The following CCDC7 variants were observed in gnomAD, a reference collection of about 807,000 sequenced individuals.
CCDC7 encodes the protein coiled-coil domain-containing protein 7.
In CCDC7, 183 loss-of-function variants were observed where a neutral mutation model predicts 196.9. The observed-to-expected ratio is 0.93, with a 90% confidence interval of 0.82 to 1.05. The LOEUF is 1.05. Among genes scored for constraint, CCDC7 ranks in the 50% least tolerant of loss-of-function variants. The probability of loss-of-function intolerance (pLI) is 0.00; values close to 1 mark genes in which losing one functional copy is unlikely to be tolerated. For missense variants in CCDC7, 1,540 were observed against 1,482.2 expected (o/e 1.04, Z -0.64); for synonymous variants, 525 against 484.6 (o/e 1.08, Z -1.10).
rs375012135 is a variant in CCDC7 at position 32,767,400 on chromosome 10, G to A, written c.2906-11577G>A. Among the ~76,000 whole-genome samples the A allele has an allele frequency of 3.3e-5, 5 of 152,224 alleles. No homozygotes were observed. The East Asian group carries it at 5.8e-4, about 18-fold the overall frequency. ...CAGGGAGCCAAGTGGTATAAAATGT[G>A]TTTTTCTAAACTATTGATTGTATTT... is the stretch of plus-strand genomic sequence containing the variant. On this transcript the variant is annotated intron_variant, in intron 28 of 41. Coordinates refer to ENST00000639629, the Ensembl canonical transcript of CCDC7.
At chr10:32,600,301 G>GTTTT (rs35364422) in intron 18 of CCDC7, among the ~76,000 whole-genome samples, 49 of 146,304 alleles carry the variant, frequency 3.3e-4, no homozygotes, top group Admixed American at 1.7e-3. Flanking sequence ...TATATTTCTA[G>GTTTT]TTTTTTTTTT....
intron 18 of CCDC7, among the ~76,000 whole-genome samples, chr10:32,600,760 A>G (rs891394955): frequency 6.6e-5 from 10 of 152,366 alleles, no homozygotes; most frequent in African/African-American, 2.4e-4. Flanking sequence ...GTGATGTTAC[A>G]AATAAATGAT....
chr10:32,737,508 G>T (rs1188500170), intron 28 of CCDC7, among the ~76,000 whole-genome samples: 1 of 152,138 alleles, frequency 6.6e-6, no homozygotes, highest in African/African-American at 2.4e-5. Context: ...TGCTGTTTTT[G>T]AATGGAATAA....
intron 28 of CCDC7, among the ~76,000 whole-genome samples, chr10:32,739,475 T>C (rs1317238871): frequency 6.6e-6 from 1 of 152,094 alleles, no homozygotes; most frequent in Non-Finnish European, 1.5e-5. Flanking sequence ...TTTCCTTTTT[T>C]TCTTAGTTTT....
At chr10:32,761,278 T>A (rs2077425585) in intron 28 of CCDC7, among the ~76,000 whole-genome samples, 1 of 151,978 alleles carries the variant, frequency 6.6e-6, no homozygotes, top group African/African-American at 2.4e-5. Context: ...ATATTGACCA[T>A]GTGCAGCTAC....
rs372767981 is a variant in CCDC7 at position 32,671,513 on chromosome 10, A to G, written c.2122+7352A>G. Among the ~76,000 whole-genome samples the G allele has an allele frequency of 2.0e-5, 3 of 151,926 alleles. No individual in the cohort carries two copies. In the East Asian group the frequency reaches 5.8e-4, roughly 29 times the overall value. On this transcript the variant is annotated intron_variant, in intron 21 of 41. Transcript: ENST00000639629. ...CTGTCATTAAGTGACACACATAACTATTTTTTCTAACTTGTCTGATCCTCC... is the reference window on the plus strand; with the variant it reads ...CTGTCATTAAGTGACACACATAACTGTTTTTTCTAACTTGTCTGATCCTCC...
At chr10:32,827,438 C>G (rs1238283723) in intron 32 of CCDC7, among the ~76,000 whole-genome samples, 1 of 152,176 alleles carries the variant, frequency 6.6e-6, no homozygotes. Context: ...ATGGGTTTGC[C>G]TATCTTGCAT....
chr10:32,711,280 C>T (rs937691540), intron 24 of CCDC7, among the ~76,000 whole-genome samples: 2 of 151,900 alleles, frequency 1.3e-5, no homozygotes, highest in Non-Finnish European at 2.9e-5. Context: ...GAATACTTTG[C>T]AATTACAAAT....
At chr10:32,847,491 A>G (rs942759329) in intron 37 of CCDC7, among the ~76,000 whole-genome samples, 1 of 152,152 alleles carries the variant, frequency 6.6e-6, no homozygotes, top group African/African-American at 2.4e-5. Context: ...GGAAGGTAAC[A>G]GAGATATCAG....
chr10:32,653,775 A>T (rs1042330041), intron 20 of CCDC7, among the ~76,000 whole-genome samples: 1 of 152,238 alleles, frequency 6.6e-6, no homozygotes, highest in African/African-American at 2.4e-5. Flanking sequence ...ACAATTTCAT[A>T]TCACAATTTG....
intron 18 of CCDC7, among the ~76,000 whole-genome samples, chr10:32,589,244 A>G (rs554303428): frequency 6.6e-6 from 1 of 152,270 alleles, no homozygotes; most frequent in East Asian, 1.9e-4. Flanking sequence ...AAGTGAAAAC[A>G]TGCAGTTTGT....
At chr10:32,866,460 C>T (rs2094202242) in intron 41 of CCDC7, among the ~76,000 whole-genome samples, 1 of 149,970 alleles carries the variant, frequency 6.7e-6, no homozygotes, top group Non-Finnish European at 1.5e-5. Flanking sequence ...TTAATGTGAA[C>T]AATTTATTAA....
intron 28 of CCDC7, among the ~76,000 whole-genome samples, chr10:32,769,819 T>C (rs1295569976): frequency 6.6e-6 from 1 of 152,250 alleles, no homozygotes; most frequent in East Asian, 1.9e-4. Context: ...ACTCATCCTT[T>C]TTATGTCTGC....
chr10:32,654,240 T>A (rs2069330704), intron 20 of CCDC7, among the ~76,000 whole-genome samples: 1 of 152,212 alleles, frequency 6.6e-6, no homozygotes, highest in South Asian at 2.1e-4. Flanking sequence ...TAGATATGAT[T>A]CCCTTTAGTT....
Position 32,519,247 on chromosome 10 carries a change from C to CA in CCDC7, c.993+749dup, listed in dbSNP as rs557955582. 2.8e-3 allele frequency among the ~76,000 whole-genome samples: 423 copies of CA among 152,036 alleles called. 3 individuals carry two copies. Among genetic ancestry groups the CA allele is most frequent in the Non-Finnish European group, 4.9e-3 (330 of 67,922 alleles). ...GCCAAATAGGAATAGAACATTGGTA[C>CA]AAAAAAACTAAAAATAGTAAATTGT... On this transcript the variant is annotated intron_variant, in intron 11 of 41. Coordinates refer to ENST00000639629, the Ensembl canonical transcript of CCDC7.
At chr10:32,882,526 G>T (rs954249061) in intron 22 of CCDC7, among the ~76,000 whole-genome samples, 167 bp from the exon 44 acceptor site, 1 of 152,094 alleles carries the variant, frequency 6.6e-6, no homozygotes, top group Non-Finnish European at 1.5e-5. Flanking sequence ...ATTGATTTTT[G>T]AAAAGAGCTC....
chr10:32,665,445 A>T (rs1172743452), intron 21 of CCDC7, among the ~76,000 whole-genome samples: 2 of 152,052 alleles, frequency 1.3e-5, no homozygotes, highest in Non-Finnish European at 2.9e-5. Flanking sequence ...TTCAGATCCT[A>T]AATTTATGTG....
At chr10:32,631,982 T>G (rs73257470) in intron 18 of CCDC7, among the ~76,000 whole-genome samples, 1,934 of 152,232 alleles carry the variant, frequency 0.013, 48 homozygotes, top group African/African-American at 0.045. Flanking sequence ...TAATTTGAAA[T>G]CTTTGCTAAA....
downstream of CCDC7, among the ~76,000 whole-genome samples, chr10:32,878,170 G>C (rs555598478): frequency 8.6e-5 from 13 of 151,912 alleles, no homozygotes; most frequent in Non-Finnish European, 1.6e-4. Context: ...GTGGCTCTTG[G>C]GCTCTTTATA....
Sources: gnomAD v4.1 joint callset for allele counts (sites outside exome capture counted in the v4.1 genomes callset) on GRCh38, gnomAD v4.1.1 for gene constraint, MANE v1.5 for transcripts, NCBI Gene and HGNC (gene_info 2026-07-23, HGNC 2026-07-21) for gene names.